P3H3: variants seen among roughly 807,000 people sequenced by gnomAD.
P3H3 encodes the protein gene rich cluster, B.
P3H3 carries 64 observed loss-of-function variants against 78.1 expected under a neutral mutation model. The observed-to-expected ratio is 0.82, with a 90% CI of 0.67 to 1.01. The LOEUF is 1.01. P3H3 is among the 50% of genes least tolerant of loss of function. The probability of loss-of-function intolerance (pLI) is 0.00; values close to 1 mark genes in which losing one functional copy is unlikely to be tolerated. For missense variants in P3H3, 975 were observed against 982.2 expected (o/e 0.99, Z 0.10); for synonymous variants, 425 against 416.7 (o/e 1.02, Z -0.24).
rs1943539992 is a variant in P3H3 at position 6,839,551 on chromosome 12, T to A, written c.*90T>A. Reference sequence around the variant, plus strand: ...ACACACAGGAAGCCCCTGTGTGACATCAGGAGCAGAACAGCAAGCTCTCTG... The same window carrying A: ...ACACACAGGAAGCCCCTGTGTGACAACAGGAGCAGAACAGCAAGCTCTCTG... On this transcript the variant is annotated 3_prime_UTR_variant, in exon 15 of 15. Coordinates refer to ENST00000290510, the MANE Select transcript of P3H3 (RefSeq NM_014262.5). The A allele has an allele frequency of 5.6e-6, 8 of 1,435,066 alleles. No individual in the cohort carries two copies. In the South Asian group the frequency reaches 9.4e-5, roughly 17 times the overall value. The allele number at this position is 1,435,066 out of a possible 1,614,324, so 88.9% of individuals were successfully genotyped here. A position where few individuals can be genotyped will look rare whatever the true frequency, so the allele number is the denominator to read the frequency against.
In P3H3 at chr12:6,839,116, G is replaced by T; in HGVS notation, c.2022G>T (p.Thr674=). The change falls in exon 14 of 15, where the codon ACG becomes ACT. Residue 674 remains threonine (T), a synonymous_variant. Transcript: ENST00000290510. ...GCTGTGCCCTGGCACTGTGGCACAC[G>T]TGGGCACCTGAGCACAGGGAGCAGG... ...GRRCALALWH[T]WAPEHREQEW... is the part of the protein sequence containing the mutation. 6.2e-7 allele frequency: 1 copy of T among 1,606,284 alleles called. No individual in the cohort carries two copies. The highest frequency in any genetic ancestry group is 1.3e-5 in the African/African-American group (1 of 74,948).
chr12:6,836,886 T>G, intron 9 of P3H3, 99 bp from the exon 10 acceptor site: 1 of 803,796 alleles, frequency 1.2e-6, no homozygotes, highest in East Asian at 2.6e-5. Flanking sequence ...AGCATCTAGC[T>G]TCTTCTGGAG....
rs1036501604 is a variant in P3H3, at chr12:6,830,463, T to G, written c.762T>G (p.Arg254=). ...QGSLAQMESC[R]ADCEGPEEQQ... is the part of the protein sequence containing the mutation. ...GCCTGGCCCAGATGGAGAGCTGCCG[T>G]GCTGACTGTGAGGGGCCTGAGGAGC... The change falls in exon 3 of 15, where the codon CGT becomes CGG. Residue 254 remains arginine (R), a synonymous_variant. Coordinates refer to ENST00000290510, the MANE Select transcript of P3H3 (RefSeq NM_014262.5). The G allele has an allele frequency of 3.8e-6, 6 of 1,588,282 alleles. No homozygotes were observed. Among genetic ancestry groups the G allele is most frequent in the East Asian group, 2.3e-5 (1 of 43,772 alleles).
Position 6,829,778 on chromosome 12 carries a change from T to G in P3H3, c.499-81T>G. 1 of 1,488,680 alleles carries G rather than the reference T, an allele frequency of 6.7e-7. No individual in the cohort carries two copies. The highest frequency in any genetic ancestry group is 9.3e-7 in the Non-Finnish European group (1 of 1,075,138). The allele number at this position is 1,488,680 out of a possible 1,614,324, so 92.2% of individuals were successfully genotyped here. On this transcript the variant is annotated intron_variant, in intron 1 of 14. Transcript: ENST00000290510. The surrounding 1 kb of genome is among the most constrained non-coding windows in gnomAD (Gnocchi z 5.1). ...GGGCACCCAGAGTGTGTGTCTGGGGTAGGGTGGGGAGGCTGGCCAGGGGGC... is the reference window on the plus strand; with the variant it reads ...GGGCACCCAGAGTGTGTGTCTGGGGGAGGGTGGGGAGGCTGGCCAGGGGGC...
intron 2 of P3H3, 50 bp from the exon 3 acceptor site, chr12:6,830,302 AG>A (rs1555121108): frequency 3.9e-6 from 6 of 1,534,690 alleles, no homozygotes; most frequent in Non-Finnish European, 4.4e-6. Flanking sequence ...TCTACCTCCC[AG>A]TTTGGCAACC....
Position 6,828,737 on chromosome 12 carries a change from C to A in P3H3, c.297C>A (p.Pro99=). Residue 99 remains proline, a synonymous_variant, in exon 1 of 15, where the codon CCC becomes CCA. Transcript: ENST00000290510. ...CCGTGCTTCTCGGGGCCCCGGAGCCCGACTCCGGGCCGGGACCCACGCAGG... is the reference window on the plus strand; with the variant it reads ...CCGTGCTTCTCGGGGCCCCGGAGCCAGACTCCGGGCCGGGACCCACGCAGG... ...LPAVLLGAPE[P]DSGPGPTQGS... 8.0e-7 allele frequency: 1 copy of A among 1,246,198 alleles called. No individual in the cohort carries two copies. Among genetic ancestry groups the A allele is most frequent in the Non-Finnish European group, 1.0e-6 (1 of 995,802 alleles). The allele number at this position is 1,246,198 out of a possible 1,614,324, so 77.2% of individuals were successfully genotyped here.
intron 9 of P3H3, 28 bp downstream of exon 9, chr12:6,834,077 C>T (rs369659504): frequency 1.2e-6 from 2 of 1,611,608 alleles, no homozygotes; most frequent in Non-Finnish European, 1.7e-6. Flanking sequence ...CTCATCAGCT[C>T]GTTCAAGACT....
At chr12:6,830,213 G>C in intron 2 of P3H3, 140 bp from the exon 3 acceptor site, 1 of 1,027,684 alleles carries the variant, frequency 9.7e-7, no homozygotes, top group Non-Finnish European at 1.4e-6. Flanking sequence ...TTATGATTCT[G>C]AGGCCCACCC....
At chr12:6,836,958 C>G in intron 9 of P3H3, 27 bp from the exon 10 acceptor site, 1 of 1,567,550 alleles carries the variant, frequency 6.4e-7, no homozygotes, top group East Asian at 2.2e-5. Flanking sequence ...GGGGGAGTGA[C>G]TCCACGGTAA....
Position 6,833,817 on chromosome 12 carries a change from C to G in P3H3, c.1333+8C>G. The G allele has an allele frequency of 6.2e-7, 1 of 1,612,042 alleles. No individual in the cohort carries two copies. The highest frequency in any genetic ancestry group is 1.7e-5 in the Admixed American group (1 of 60,000). Reference sequence around the variant, plus strand: ...CCTTGACCTACTGGAAGGGTGAGTTCCTGGGAGGGAGAAGGCAGGAGCCTG... The same window carrying G: ...CCTTGACCTACTGGAAGGGTGAGTTGCTGGGAGGGAGAAGGCAGGAGCCTG... On this transcript the variant is annotated splice_region_variant and intron_variant, in intron 8 of 14. Transcript: ENST00000290510.
Position 6,828,892 on chromosome 12 carries a change from T to C in P3H3, c.452T>C (p.Phe151Ser). The C allele has an allele frequency of 8.0e-7, 1 of 1,247,372 alleles. No homozygotes were observed. Among genetic ancestry groups the C allele is most frequent in the Non-Finnish European group, 1.0e-6 (1 of 995,812 alleles). 77.3% of individuals were successfully genotyped at this position (1,247,372 alleles called of 1,614,324 possible). A position where few individuals can be genotyped will look rare whatever the true frequency, so the allele number is the denominator to read the frequency against. ...LRVGSALRDA[F>S]RRREPYNYLQ... Reference sequence around the variant, plus strand: ...GTGGGGAGCGCGCTCCGGGACGCCTTCCGCCGTCGGGAGCCCTACAACTAC... The same window carrying C: ...GTGGGGAGCGCGCTCCGGGACGCCTCCCGCCGTCGGGAGCCCTACAACTAC... The change falls in exon 1 of 15, where the codon TTC (phenylalanine) becomes TCC (serine). Residue 151 changes from phenylalanine to serine, a missense_variant. Transcript: ENST00000290510.
intron 6 of P3H3, among the ~76,000 whole-genome samples, chr12:6,832,208 C>G (rs944804741): frequency 6.6e-6 from 1 of 152,172 alleles, no homozygotes; most frequent in Admixed American, 6.5e-5. Flanking sequence ...GCTGTTGAAA[C>G]CACATCATTT....
At position 6,838,045 on chromosome 12, in the gene P3H3, G is replaced by C. The variant is rs782623790; in HGVS notation, c.1905+12G>C. ...CCCTCACTGTCACGGTGCGTGGAGT[G>C]GGGGGTGTGACGGTGTGACAAAGGG... On this transcript the variant is annotated intron_variant, in intron 13 of 14. Coordinates refer to ENST00000290510, the MANE Select transcript of P3H3 (RefSeq NM_014262.5). The C allele has an allele frequency of 5.7e-6, 9 of 1,592,784 alleles. No homozygotes were observed. Among genetic ancestry groups the C allele is most frequent in the Admixed American group, 3.5e-5 (2 of 56,844 alleles).
chr12:6,831,435 C>A lies in P3H3; in HGVS notation c.1122+83C>A. The A allele has an allele frequency of 1.9e-6, 3 of 1,564,046 alleles. No individual in the cohort carries two copies. Among genetic ancestry groups the A allele is most frequent in the South Asian group, 1.2e-5 (1 of 86,940 alleles). The stretch of plus-strand genomic sequence containing the variant: ...AGAAGTAACCTGGACCCCCACCCCC[C>A]GCTGGCCTCTTACCCGAGCACTCTA... On this transcript the variant is annotated intron_variant, in intron 5 of 14. Coordinates refer to ENST00000290510, the MANE Select transcript of P3H3 (RefSeq NM_014262.5). The surrounding 1 kb of genome is among the most constrained non-coding windows in gnomAD (Gnocchi z 4.6).
At chr12:6,838,117 T>C (rs1943519301) in intron 13 of P3H3, 84 bp downstream of exon 13, 4 of 1,523,642 alleles carry the variant, frequency 2.6e-6, no homozygotes, top group East Asian at 4.9e-5. Flanking sequence ...CAGAGGCAAA[T>C]GCAGGGAAAT....
In P3H3 at chr12:6,829,362, GGAGGCAAGGTTGGGGTCCTCC is replaced by G. The variant is rs1362415433; in HGVS notation, c.498+430_498+450del. On this transcript the variant is annotated intron_variant, in intron 1 of 14. Transcript: ENST00000290510. This position sits in a 1 kb window ranked among gnomAD's most constrained non-coding sequence, Gnocchi z 5.1. ...TAGCTTCGGAAAGGAAGGAGCAGAC[GGAGGCAAGGTTGGGGTCCTCC>G]GAGGCCAGACCTCTGCGGGCGGGGA... 1.4e-5 allele frequency: 3 copies of G among 219,388 alleles called. No individual in the cohort carries two copies. The highest frequency in any genetic ancestry group is 2.7e-5 in the Non-Finnish European group (3 of 112,888). 13.6% of individuals were successfully genotyped at this position (219,388 alleles called of 1,614,324 possible).
Position 6,828,942 on chromosome 12 carries a change from G to A in P3H3, c.498+4G>A. The A allele has an allele frequency of 1.6e-6, 2 of 1,235,628 alleles. No homozygotes were observed. The highest frequency in any genetic ancestry group is 2.0e-6 in the Non-Finnish European group (2 of 987,528). 76.5% of individuals were successfully genotyped at this position (1,235,628 alleles called of 1,614,324 possible). Reference sequence around the variant, plus strand: ...CCTGCAGAGGGCCTATTACCAGGTGGGGAGCGGGCCGGGCAGCTCCGAGGG... The same window carrying A: ...CCTGCAGAGGGCCTATTACCAGGTGAGGAGCGGGCCGGGCAGCTCCGAGGG... On this transcript the variant is annotated splice_donor_region_variant and intron_variant, in intron 1 of 14. Coordinates refer to ENST00000290510, the MANE Select transcript of P3H3 (RefSeq NM_014262.5).
intron 9 of P3H3, among the ~76,000 whole-genome samples, chr12:6,836,432 C>T (rs891044250): frequency 2.0e-5 from 3 of 152,030 alleles, no homozygotes; most frequent in Non-Finnish European, 2.9e-5. Context: ...AGAGTGGTCG[C>T]GGAGGTGGCT....
chr12:6,829,189 G>T lies in P3H3; in HGVS notation c.498+251G>T, dbSNP rs1365961726. Reference sequence around the variant, plus strand: ...GAGGTCGTGAGGTGGGACGGGAGCAGATCGAAGATGGAGGGACAGGGCCGC... The same window carrying T: ...GAGGTCGTGAGGTGGGACGGGAGCATATCGAAGATGGAGGGACAGGGCCGC... On this transcript the variant is annotated intron_variant, in intron 1 of 14. Transcript: ENST00000290510. This position sits in a 1 kb window ranked among gnomAD's most constrained non-coding sequence, Gnocchi z 5.1. 4.4e-5 allele frequency: 17 copies of T among 384,758 alleles called. No homozygotes were observed. Among genetic ancestry groups the T allele is most frequent in the Non-Finnish European group, 7.8e-5 (17 of 217,604 alleles). The allele number at this position is 384,758 out of a possible 1,614,324, so 23.8% of individuals were successfully genotyped here.
Sources: gnomAD v4.1 joint callset for allele counts (sites outside exome capture counted in the v4.1 genomes callset) on GRCh38, gnomAD v4.1.1 for gene constraint, Gnocchi (gnomAD v3.1) non-coding constraint, MANE v1.5 for transcripts, NCBI Gene and HGNC (gene_info 2026-07-23, HGNC 2026-07-21) for gene names.